The following CRB1 variants were observed in gnomAD, a reference collection of about 807,000 sequenced individuals.
The protein encoded by CRB1 is crumbs cell polarity complex component 1, also known as protein crumbs homolog 1.
A neutral mutation model predicts 120.0 loss-of-function variants in CRB1; 83 were observed. That is an observed-to-expected ratio of 0.69 (90% CI 0.58 to 0.83). CRB1 has a LOEUF of 0.83. Ranked by LOEUF, CRB1 falls within the 40% of genes least tolerant of loss-of-function variation. The probability of loss-of-function intolerance (pLI) is 0.00; values close to 1 mark genes in which losing one functional copy is unlikely to be tolerated. For missense variants in CRB1, 1,699 were observed against 1,687.6 expected (o/e 1.01, Z -0.12); for synonymous variants, 625 against 612.5 (o/e 1.02, Z -0.30).
rs41302107 is a variant in CRB1, at chr1:197,477,907, T to C, written c.*28T>C. 0.085 allele frequency: 135,755 copies of C among 1,600,232 alleles called. 6,713 individuals are homozygous for C. The highest frequency in any genetic ancestry group is 0.1 in the Non-Finnish European group (118,190 of 1,167,708). On this transcript the variant is annotated 3_prime_UTR_variant, in exon 12 of 12. Coordinates refer to ENST00000367400, the MANE Select transcript of CRB1 (RefSeq NM_201253.3). ...GCATTGTGTCCCTTCGAGATGGGGA[T>C]CCACACACTGTGAATGTGATGACTG...
At chr1:197,457,381 G>A (rs1274267250) in intron 11 of CRB1, among the ~76,000 whole-genome samples, 2 of 152,050 alleles carry the variant, frequency 1.3e-5, no homozygotes, top group South Asian at 2.1e-4. Flanking sequence ...ATCAGAGAGA[G>A]GATAAGTATC....
intron 11 of CRB1, among the ~76,000 whole-genome samples, chr1:197,460,977 G>A (rs1036750401): frequency 1.3e-5 from 2 of 152,110 alleles, no homozygotes; most frequent in African/African-American, 4.8e-5. Context: ...TTGCTCTACG[G>A]CCCTAATAGG....
rs1367940322 is a variant in CRB1 at position 197,478,282 on chromosome 1, A to C, written c.*403A>C. 7 of 266,364 alleles carry C rather than the reference A, an allele frequency of 2.6e-5. No homozygotes were observed. The East Asian group carries it at 2.9e-4, about 11-fold the overall frequency. The allele number at this position is 266,364 out of a possible 1,614,324, so 16.5% of individuals were successfully genotyped here. ...TGCCATATGTTTACATGGAAACTAC[A>C]GGAAAAAATTGGCTACATTTCTCAC... On this transcript the variant is annotated 3_prime_UTR_variant, in exon 12 of 12. Transcript: ENST00000367400.
intron 5 of CRB1, among the ~76,000 whole-genome samples, chr1:197,382,307 G>C (rs1661996834): frequency 6.6e-6 from 1 of 152,030 alleles, no homozygotes; most frequent in African/African-American, 2.4e-5. Context: ...CCCCCTAGAG[G>C]GCAGGTACTT....
the CRB1 span, chr1:197,222,611 G>C: frequency 1.3e-6 from 1 of 772,734 alleles, no homozygotes; most frequent in South Asian, 1.3e-5. Context: ...AGGAAAGAGT[G>C]TATTTGGTAG....
At chr1:197,220,242 A>G in the CRB1 span, among the ~76,000 whole-genome samples, 1 of 152,234 alleles carries the variant, frequency 6.6e-6, no homozygotes, top group East Asian at 1.9e-4. Context: ...CAAATTGGAT[A>G]AAGAGTTTAG....
chr1:197,252,566 A>G, the CRB1 span, among the ~76,000 whole-genome samples: 2 of 45,724 alleles, frequency 4.4e-5, no homozygotes, highest in South Asian at 9.7e-4. Flanking sequence ...ATATATATAT[A>G]TATATATATA....
At chr1:197,219,510 A>T in the CRB1 span, among the ~76,000 whole-genome samples, 36 of 152,230 alleles carry the variant, frequency 2.4e-4, no homozygotes, top group African/African-American at 8.2e-4. Flanking sequence ...TATTACCATT[A>T]CTACTTCTTA....
At chr1:197,252,538 TTATATATATATATA>T in the CRB1 span, among the ~76,000 whole-genome samples, 103 of 27,816 alleles carry the variant, frequency 3.7e-3, no homozygotes, top group South Asian at 9.9e-3. Context: ...CCAATAGATT[TTATATATATATATA>T]TATATATATA....
Position 197,457,208 on chromosome 1 carries a change from A to G in CRB1, c.4005+14916A>G, listed in dbSNP as rs376415973. ...ATACAATCCTAAGTACGCCTCTATCATAGCATCGTATAATAATACTAATAG... is the reference window on the plus strand; with the variant it reads ...ATACAATCCTAAGTACGCCTCTATCGTAGCATCGTATAATAATACTAATAG... On this transcript the variant is annotated intron_variant, in intron 11 of 11. Transcript: ENST00000367400. Among the ~76,000 whole-genome samples, 8 of 152,182 alleles carry G rather than the reference A, an allele frequency of 5.3e-5. No homozygotes were observed. The East Asian group carries it at 9.7e-4, about 18-fold the overall frequency.
chr1:197,476,360 ATTTGTGTGTG>A (rs1334681399), intron 11 of CRB1, among the ~76,000 whole-genome samples: 2 of 128,926 alleles, frequency 1.6e-5, no homozygotes, highest in Admixed American at 8.6e-5. Flanking sequence ...TATTATGATT[ATTTGTGTGTG>A]TGTGTGTGTG....
At chr1:197,380,314 C>T in intron 5 of CRB1, among the ~76,000 whole-genome samples, 1 of 152,160 alleles carries the variant, frequency 6.6e-6, no homozygotes, top group Non-Finnish European at 1.5e-5. Flanking sequence ...CAAACTCCAA[C>T]ACAATTCATT....
intron 1 of CRB1, among the ~76,000 whole-genome samples, chr1:197,303,868 G>T (rs370771112): frequency 6.6e-6 from 1 of 152,258 alleles, no homozygotes. Flanking sequence ...TGTGCCTGTA[G>T]TTCCAGCTAC....
chr1:197,424,344 C>G (rs560575292), intron 6 of CRB1, among the ~76,000 whole-genome samples: 80 of 152,184 alleles, frequency 5.3e-4, no homozygotes, highest in African/African-American at 1.8e-3. Context: ...GGAACACATG[C>G]AAATAAAAAT....
intron 5 of CRB1, among the ~76,000 whole-genome samples, chr1:197,416,662 G>C (rs949819462): frequency 8.6e-5 from 13 of 151,936 alleles, no homozygotes; most frequent in African/African-American, 3.1e-4. Context: ...ACAGATAACA[G>C]ACTTTAGGTT....
chr1:197,467,423 T>G (rs1305228194), intron 11 of CRB1, among the ~76,000 whole-genome samples: 1 of 152,166 alleles, frequency 6.6e-6, no homozygotes, highest in Non-Finnish European at 1.5e-5. Flanking sequence ...GGCTTCCTTC[T>G]ATAACCACAA....
intron 11 of CRB1, among the ~76,000 whole-genome samples, chr1:197,446,171 C>A (rs895755542): frequency 1.5e-4 from 21 of 142,358 alleles, no homozygotes; most frequent in Non-Finnish European, 2.6e-4. Flanking sequence ...GCCTGGGTGA[C>A]AGAGTGAGAC....
the CRB1 span, among the ~76,000 whole-genome samples, chr1:197,214,293 A>T: frequency 6.6e-6 from 1 of 152,184 alleles, no homozygotes; most frequent in Non-Finnish European, 1.5e-5. Context: ...GCGTGAGTCT[A>T]CTTACATGTG....
At chr1:197,337,998 TATA>T (rs1558063352) in intron 2 of CRB1, among the ~76,000 whole-genome samples, 1 of 151,876 alleles carries the variant, frequency 6.6e-6, no homozygotes, top group Non-Finnish European at 1.5e-5. Flanking sequence ...TACGAAAATA[TATA>T]ATGTTTAATA....
Sources: gnomAD v4.1 joint callset for allele counts (sites outside exome capture counted in the v4.1 genomes callset) on GRCh38, gnomAD v4.1.1 for gene constraint, MANE v1.5 for transcripts, NCBI Gene and HGNC (gene_info 2026-07-23, HGNC 2026-07-21) for gene names.